The following DHX38 variants were observed in gnomAD, a reference collection of about 807,000 sequenced individuals.
DHX38 encodes the protein pre-mRNA-splicing factor ATP-dependent RNA helicase PRP16.
A neutral mutation model predicts 153.1 loss-of-function variants in DHX38; 100 were observed. The observed-to-expected ratio is 0.65, with a 90% CI of 0.56 to 0.77. The LOEUF is 0.77. DHX38 is among the 30% of genes least tolerant of loss of function. The pLI, the probability that DHX38 is intolerant of heterozygous loss-of-function variation, is 0.00. For synonymous variants in DHX38, 650 were observed against 631.7 expected (o/e 1.03, Z -0.43); for missense variants, 1,440 against 1,654.0 (o/e 0.87, Z 2.24).
Position 72,100,431 on chromosome 16 carries a change from C to T in DHX38, c.1117-5C>T, listed in dbSNP as rs1217701696. 2 of 1,613,562 alleles carry T rather than the reference C, an allele frequency of 1.2e-6. No homozygotes were observed. The highest frequency in any genetic ancestry group is 1.7e-6 in the Non-Finnish European group (2 of 1,179,702). ...TTGAGTGTGGCTCCCATTGTGTCCT[C>T]ACAGGATAACGAGCGCTGGGAGACA... is the stretch of plus-strand genomic sequence containing the variant. On this transcript the variant is annotated splice_region_variant and splice_polypyrimidine_tract_variant and intron_variant, in intron 8 of 26. Transcript: ENST00000268482.
chr16:72,105,825 G>T (rs1261296707), intron 18 of DHX38, among the ~76,000 whole-genome samples, 180 bp from the exon 19 acceptor site: 1 of 152,188 alleles, frequency 6.6e-6, no homozygotes, highest in African/African-American at 2.4e-5. Context: ...TAATTTAACA[G>T]TAGAGCTCAG....
At position 72,101,655 on chromosome 16, in the gene DHX38, A is replaced by T. The variant is rs1418809349; in HGVS notation, c.1499+43A>T. The T allele has an allele frequency of 4.6e-6, 7 of 1,511,358 alleles. No individual in the cohort carries two copies. The Admixed American group carries it at 1.4e-4, about 30-fold the overall frequency. 93.6% of individuals were successfully genotyped at this position (1,511,358 alleles called of 1,614,324 possible). The stretch of plus-strand genomic sequence containing the variant: ...GCAGCACATCAGCCTTGCTCCAAAG[A>T]TGGGGGCCCATGTGGGCAGTTGCGG... On this transcript the variant is annotated intron_variant, in intron 11 of 26. Transcript: ENST00000268482.
intron 17 of DHX38, 35 bp from the exon 18 acceptor site, chr16:72,105,482 G>C (rs1567609231): frequency 1.9e-6 from 3 of 1,612,500 alleles, no homozygotes; most frequent in African/African-American, 2.7e-5. Flanking sequence ...TGTCTCGAGG[G>C]ACTCATTTTT....
Position 72,099,298 on chromosome 16 carries a change from T to C in DHX38, c.960+18T>C. 6.3e-7 allele frequency: 1 copy of C among 1,592,028 alleles called. No individual in the cohort carries two copies. ...ACCAGAGGGTAAAGTTTTATACCTCTGAGGGGCTGATCGGGGCTGGTGGCC... is the reference window on the plus strand; with the variant it reads ...ACCAGAGGGTAAAGTTTTATACCTCCGAGGGGCTGATCGGGGCTGGTGGCC... On this transcript the variant is annotated intron_variant, in intron 7 of 26. Coordinates refer to ENST00000268482, the MANE Select transcript of DHX38 (RefSeq NM_014003.4).
At position 72,107,876 on chromosome 16, in the gene DHX38, T is replaced by C; in HGVS notation, c.2964+77T>C. 6.5e-7 allele frequency: 1 copy of C among 1,537,066 alleles called. No homozygotes were observed. Among genetic ancestry groups the C allele is most frequent in the South Asian group, 1.2e-5 (1 of 84,958 alleles). On this transcript the variant is annotated intron_variant, in intron 21 of 26. Coordinates refer to ENST00000268482, the MANE Select transcript of DHX38 (RefSeq NM_014003.4). This position sits in a 1 kb window ranked among gnomAD's most constrained non-coding sequence, Gnocchi z 5.3. ...GGAGGGGAATGGCTTCTCTCTGTAT[T>C]ACTGAAATGGAACAGAGGGCAGAAT...
chr16:72,112,381 G>A, intron 26 of DHX38, 32 bp from the exon 27 acceptor site: 1 of 1,601,332 alleles, frequency 6.2e-7, no homozygotes, highest in Non-Finnish European at 8.5e-7. Flanking sequence ...TGAGGGCACG[G>A]TGTTTCCTGA....
chr16:72,106,055 C>A lies in DHX38; in HGVS notation c.2538C>A (p.Ser846Arg). 6.2e-7 allele frequency: 1 copy of A among 1,614,216 alleles called. No individual in the cohort carries two copies. The highest frequency in any genetic ancestry group is 8.5e-7 in the Non-Finnish European group (1 of 1,180,032). Reference protein sequence around the residue: ...GMDALQIYPISQANANQRSGR... With the variant: ...GMDALQIYPIRQANANQRSGR... ...ATGCTCTGCAGATCTATCCCATTAG[C>A]CAGGCCAATGCCAACCAGCGGTCAG... The change falls in exon 19 of 27, where the codon AGC becomes AGA. Residue 846 changes from serine to arginine, a missense_variant. Around this residue, in one of 6 missense-constraint regions of DHX38, gnomAD observed 543 missense variants for 717.9 expected, o/e 0.76. Transcript: ENST00000268482.
At position 72,104,760 on chromosome 16, in the gene DHX38, G is replaced by T; in HGVS notation, c.2151+134G>T. The T allele has an allele frequency of 1.6e-6, 2 of 1,266,562 alleles. No individual in the cohort carries two copies. Among genetic ancestry groups the T allele is most frequent in the Non-Finnish European group, 2.2e-6 (2 of 900,138 alleles). The allele number at this position is 1,266,562 out of a possible 1,614,324, so 78.5% of individuals were successfully genotyped here. ...TCCTGGGGACCATGGGGCAAATGGG[G>T]CAGCCTGCAGCTCTGGGACTCGGGG... On this transcript the variant is annotated intron_variant, in intron 15 of 26. Coordinates refer to ENST00000268482, the MANE Select transcript of DHX38 (RefSeq NM_014003.4). The surrounding 1 kb of genome is among the most constrained non-coding windows in gnomAD (Gnocchi z 4.5).
At chr16:72,110,011 C>T (rs573161159) in intron 25 of DHX38, among the ~76,000 whole-genome samples, 2 of 152,356 alleles carry the variant, frequency 1.3e-5, no homozygotes, top group South Asian at 4.1e-4. Flanking sequence ...TCACCTAAGT[C>T]TCCAGTCCGC....
chr16:72,101,257 T>C (rs554119138), intron 10 of DHX38, 64 bp downstream of exon 10: 6 of 1,557,946 alleles, frequency 3.9e-6, no homozygotes, highest in African/African-American at 1.4e-5. Context: ...CTTCTCTTCA[T>C]AAGTCTTACT....
chr16:72,096,934 G>T lies in DHX38; in HGVS notation c.436G>T (p.Ala146Ser), dbSNP rs1387789860. Residue 146 changes from alanine to serine, a missense_variant, in exon 3 of 27, where the codon GCC becomes TCC. Coordinates refer to ENST00000268482, the MANE Select transcript of DHX38 (RefSeq NM_014003.4). ...ERERREHGVY[A>S]SSKEEKDWKK... Reference sequence around the variant, plus strand: ...GGAGCGGCGGGAACATGGTGTCTATGCCTCGTCCAAAGAAGAAAAGGATTG... The same window carrying T: ...GGAGCGGCGGGAACATGGTGTCTATTCCTCGTCCAAAGAAGAAAAGGATTG... 1 of 1,614,090 alleles carries T rather than the reference G, an allele frequency of 6.2e-7. No individual in the cohort carries two copies. The highest frequency in any genetic ancestry group is 1.3e-5 in the African/African-American group (1 of 75,040).
intron 3 of DHX38, chr16:72,097,293 T>G (rs1434982470): frequency 2.5e-6 from 1 of 397,558 alleles, no homozygotes; most frequent in African/African-American, 2.0e-5. Flanking sequence ...CCAGCATTTC[T>G]AATAGTATTG....
At chr16:72,108,434 A>G (rs1220238811) in intron 22 of DHX38, 39 bp from the exon 23 acceptor site, 2 of 1,613,586 alleles carry the variant, frequency 1.2e-6, no homozygotes, top group South Asian at 2.2e-5. Flanking sequence ...TCGAGAGGAA[A>G]GGAGGGCTCC....
chr16:72,111,345 G>T (rs770080964), intron 26 of DHX38, among the ~76,000 whole-genome samples: 3 of 152,218 alleles, frequency 2.0e-5, no homozygotes, highest in Non-Finnish European at 4.4e-5. Flanking sequence ...ACTCATGAGC[G>T]AGGGGGTTGG....
intron 9 of DHX38, 25 bp downstream of exon 9, chr16:72,100,622 C>A (rs987213609): frequency 6.2e-7 from 1 of 1,610,860 alleles, no homozygotes; most frequent in African/African-American, 1.3e-5. Context: ...TGGCCAGGGA[C>A]AAGACAGCTC....
At chr16:72,108,958 G>A (rs767904846) in intron 24 of DHX38, 33 bp downstream of exon 24, 29 of 1,562,282 alleles carry the variant, frequency 1.9e-5, no homozygotes, top group Non-Finnish European at 2.3e-5. Flanking sequence ...GCATAATGCA[G>A]GCCCCCTGTC....
Position 72,112,485 on chromosome 16 carries a change from C to G in DHX38, c.3672C>G (p.Arg1224=). 1 of 1,612,262 alleles carries G rather than the reference C, an allele frequency of 6.2e-7. No homozygotes were observed. The highest frequency in any genetic ancestry group is 8.5e-7 in the Non-Finnish European group (1 of 1,180,026). The change falls in exon 27 of 27, where the codon CGC becomes CGG. Residue 1224 remains arginine, a synonymous_variant. Transcript: ENST00000268482. ...EPMTPRRTPA[R]FGL ...TGACCCCTCGCCGCACGCCAGCCCGCTTTGGTCTGTGAGCTGAGGCTGTCC... is the reference window on the plus strand; with the variant it reads ...TGACCCCTCGCCGCACGCCAGCCCGGTTTGGTCTGTGAGCTGAGGCTGTCC...
At position 72,110,596 on chromosome 16, in the gene DHX38, C is replaced by T. The variant is rs570508309; in HGVS notation, c.3478-360C>T. Among the ~76,000 whole-genome samples the T allele has an allele frequency of 1.1e-4, 16 of 152,360 alleles. No individual in the cohort carries two copies. In the South Asian group the frequency reaches 1.2e-3, roughly 12 times the overall value. ...TTTTCGTAGCATAATTCTCCCCATA[C>T]CAGGCTCCCTTGCATCTTATGCCTG... On this transcript the variant is annotated intron_variant, in intron 25 of 26. Coordinates refer to ENST00000268482, the MANE Select transcript of DHX38 (RefSeq NM_014003.4).
At chr16:72,102,946 G>T in intron 11 of DHX38, 128 bp from the exon 12 acceptor site, 1 of 1,321,106 alleles carries the variant, frequency 7.6e-7, no homozygotes, top group Middle Eastern at 2.5e-4. Context: ...CAGATTCCCT[G>T]GCTGCTTTGG....
Sources: allele counts gnomAD v4.1 joint callset (sites outside exome capture counted in the v4.1 genomes callset), GRCh38; gene constraint gnomAD v4.1.1; regional missense constraint gnomAD v4.1.1; non-coding constraint Gnocchi (gnomAD v3.1); transcripts MANE v1.5; gene names NCBI Gene and HGNC (gene_info 2026-07-23, HGNC 2026-07-21).